Variants in GRIN2C observed in about 807,000 individuals in gnomAD.
The protein encoded by GRIN2C is glutamate ionotropic receptor NMDA type subunit 2C, also known as glutamate receptor ionotropic, NMDA 2C.
Under a neutral mutation model 77.7 loss-of-function variants are expected in GRIN2C, and 64 were observed. The observed-to-expected ratio is 0.82, with a 90% CI of 0.67 to 1.01. The LOEUF (loss-of-function observed/expected upper bound fraction) is 1.01. Among genes scored for constraint, GRIN2C ranks in the 50% least tolerant of loss-of-function variants. GRIN2C has a pLI of 0.00. For synonymous variants in GRIN2C, 792 were observed against 643.4 expected, an observed-to-expected ratio of 1.23 and a Z score of -3.49; for missense variants, 1,549 against 1,486.0, an observed-to-expected ratio of 1.04 and a Z score of -0.70.
intron 1 of GRIN2C, among the ~76,000 whole-genome samples, chr17:74,855,657 A>G (rs929311552): frequency 6.6e-6 from 1 of 152,228 alleles, no homozygotes; most frequent in African/African-American, 2.4e-5. Flanking sequence ...GCCCCCAGCC[A>G]GGTGAAGGAA....
At position 74,842,411 on chromosome 17, in the gene GRIN2C, C is replaced by T. The variant is rs573725093; in HGVS notation, c.*24G>A. On this transcript the variant is annotated 3_prime_UTR_variant, in exon 13 of 13. Coordinates refer to ENST00000293190, the MANE Select transcript of GRIN2C (RefSeq NM_000835.6). Reference sequence around the variant, plus strand: ...AGTGGCAGGCAGAGAATCCAGCTGGCTCGGAGCCTGAGTGGCTGATAACTC... The same window carrying T: ...AGTGGCAGGCAGAGAATCCAGCTGGTTCGGAGCCTGAGTGGCTGATAACTC... 3.9e-6 allele frequency: 3 copies of T among 761,348 alleles called. No homozygotes were observed. Among genetic ancestry groups the T allele is most frequent in the Non-Finnish European group, 7.3e-6 (3 of 409,934 alleles). The allele number at this position is 761,348 out of a possible 1,614,324, so 47.2% of individuals were successfully genotyped here.
Position 74,850,165 on chromosome 17 carries a change from G to A in GRIN2C, c.1491+41C>T, listed in dbSNP as rs752996378. Reference sequence around the variant, plus strand: ...CCACATGGGGCCTGGGCAGCAGGTGGGCAGGCAGGGCAGGTGAGGAGGGAG... The same window carrying A: ...CCACATGGGGCCTGGGCAGCAGGTGAGCAGGCAGGGCAGGTGAGGAGGGAG... On this transcript the variant is annotated intron_variant, in intron 6 of 12. Transcript: ENST00000293190. This position sits in a 1 kb window ranked among gnomAD's most constrained non-coding sequence, Gnocchi z 5.3. The A allele has an allele frequency of 6.2e-7, 1 of 1,603,154 alleles. No individual in the cohort carries two copies. Among genetic ancestry groups the A allele is most frequent in the Non-Finnish European group, 8.5e-7 (1 of 1,173,116 alleles).
rs61279159 is a variant in GRIN2C at position 74,859,245 on chromosome 17, G to C, written c.-16+499C>G. ...TTTGACAAACACAGAGATCCCCAAA[G>C]AGCCCCAGAGAGGATGGCAGTGGTC... On this transcript the variant is annotated intron_variant, in intron 1 of 12. Transcript: ENST00000293190. The surrounding 1 kb of genome is among the most constrained non-coding windows in gnomAD (Gnocchi z 5.9). 0.011 allele frequency among the ~76,000 whole-genome samples: 1,716 copies of C among 152,206 alleles called. 37 individuals carry two copies. The highest frequency in any genetic ancestry group is 0.039 in the African/African-American group (1,620 of 41,520).
At chr17:74,854,126 C>T (rs897522618) in intron 2 of GRIN2C, 2 of 152,478 alleles carry the variant, frequency 1.3e-5, no homozygotes, top group African/African-American at 2.4e-5. Context: ...TCTCCAGAGA[C>T]TTTCCCTGGC....
At chr17:74,851,331 A>C in intron 4 of GRIN2C, 53 of 444,804 alleles carry the variant, frequency 1.2e-4, no homozygotes, top group Middle Eastern at 6.0e-4. Context: ...ACCAGGAGAT[A>C]GGAGCGCTTG....
At position 74,843,413 on chromosome 17, in the gene GRIN2C, G is replaced by T. The variant is rs1381555690; in HGVS notation, c.2724C>A (p.Gly908=). Reference sequence around the variant, plus strand: ...TGGCGCGGTCCAGGGAGCTGCTTACGCCCGCCGTGGTCACCATGTCGCGGG... The same window carrying T: ...TGGCGCGGTCCAGGGAGCTGCTTACTCCCGCCGTGGTCACCATGTCGCGGG... ...QAARDMVTTA[G]VSSSLDRATR... Residue 908 remains glycine (G), a synonymous_variant, in exon 13 of 13, where the codon GGC becomes GGA. Coordinates refer to ENST00000293190, the MANE Select transcript of GRIN2C (RefSeq NM_000835.6). 51 of 1,535,920 alleles carry T rather than the reference G, an allele frequency of 3.3e-5. No individual in the cohort carries two copies. The highest frequency in any genetic ancestry group is 4.3e-5 in the Non-Finnish European group (49 of 1,146,106).
chr17:74,858,628 C>T (rs1336065684), intron 1 of GRIN2C, among the ~76,000 whole-genome samples: 3 of 147,240 alleles, frequency 2.0e-5, no homozygotes, highest in East Asian at 2.0e-4. Context: ...TACCCACCCC[C>T]GCCAGCCCCA....
intron 11 of GRIN2C, 77 bp from the exon 12 acceptor site, chr17:74,844,585 C>T (rs2037401921): frequency 1.3e-6 from 2 of 1,549,774 alleles, no homozygotes; most frequent in African/African-American, 2.7e-5. Context: ...CACCACAAAC[C>T]TGGAGTAAGA....
rs147286823 is a variant in GRIN2C, at chr17:74,842,050, A to G, written c.*385T>C. 99 of 221,802 alleles carry G rather than the reference A, an allele frequency of 4.5e-4. No individual in the cohort carries two copies. Among genetic ancestry groups the G allele is most frequent in the African/African-American group, 1.8e-3 (79 of 42,742 alleles). The allele number at this position is 221,802 out of a possible 1,614,324, so 13.7% of individuals were successfully genotyped here. A position where few individuals can be genotyped will look rare whatever the true frequency, so the allele number is the denominator to read the frequency against. ...TTGTAAAAGGTTGGTTTAATGTCCCAGTGCTCTGATGAGAAGAAACTCTAG... is the reference window on the plus strand; with the variant it reads ...TTGTAAAAGGTTGGTTTAATGTCCCGGTGCTCTGATGAGAAGAAACTCTAG... On this transcript the variant is annotated 3_prime_UTR_variant, in exon 13 of 13. Transcript: ENST00000293190.
chr17:74,855,010 T>C lies in GRIN2C; in HGVS notation c.83A>G (p.Gln28Arg). Reference protein sequence around the residue: ...WAGLGPGQGEQGMTVAVVFSS... With the variant: ...WAGLGPGQGERGMTVAVVFSS... ...AAACACCACGGCCACCGTCATGCCC[T>C]GCTCGCCCTGCCCCGGACCCAGCCC... Residue 28 changes from glutamine (Q) to arginine (R), a missense_variant, in exon 2 of 13, where the codon CAG (glutamine) becomes CGG (arginine). Physicochemically the swap from Gln to Arg is conservative, Grantham distance 43. Transcript: ENST00000293190. The C allele has an allele frequency of 6.2e-7, 1 of 1,604,442 alleles. No individual in the cohort carries two copies. Among genetic ancestry groups the C allele is most frequent in the Non-Finnish European group, 8.5e-7 (1 of 1,179,582 alleles).
chr17:74,861,425 T>C (rs1196906336), upstream of GRIN2C: 1 of 151,706 alleles, frequency 6.6e-6, no homozygotes, highest in African/African-American at 2.4e-5. Flanking sequence ...GCTCGCCACT[T>C]ACCGAGGGGA....
rs932157853 is a variant in GRIN2C at position 74,847,783 on chromosome 17, C to T, written c.1771+69G>A. ...TCCCAAAGGTATTCTCTGAAGGACC[C>T]GTTGCCCCTGAGCCCAGCCCTCAGG... On this transcript the variant is annotated intron_variant, in intron 8 of 12. Coordinates refer to ENST00000293190, the MANE Select transcript of GRIN2C (RefSeq NM_000835.6). This position sits in a 1 kb window ranked among gnomAD's most constrained non-coding sequence, Gnocchi z 5.2. 11 of 1,548,702 alleles carry T rather than the reference C, an allele frequency of 7.1e-6. No homozygotes were observed. The East Asian group carries it at 1.4e-4, about 19-fold the overall frequency.
chr17:74,851,010 CCT>C (rs1318267251), intron 4 of GRIN2C: 9 of 576,252 alleles, frequency 1.6e-5, no homozygotes, highest in African/African-American at 1.5e-4. Flanking sequence ...ACTGGTCCCC[CCT>C]GACTTTGACA....
chr17:74,847,551 G>A lies in GRIN2C; in HGVS notation c.1772-14C>T. The stretch of plus-strand genomic sequence containing the variant: ...GGCCCCCGGACTCTGGGGGCAAGAG[G>A]CGGGGGGATGCTGGAGCTCCTCCTG... On this transcript the variant is annotated splice_polypyrimidine_tract_variant and intron_variant, in intron 8 of 12. Coordinates refer to ENST00000293190, the MANE Select transcript of GRIN2C (RefSeq NM_000835.6). This position sits in a 1 kb window ranked among gnomAD's most constrained non-coding sequence, Gnocchi z 5.2. 1 of 1,572,414 alleles carries A rather than the reference G, an allele frequency of 6.4e-7. No homozygotes were observed. The highest frequency in any genetic ancestry group is 8.7e-7 in the Non-Finnish European group (1 of 1,145,584).
rs779692493 is a variant in GRIN2C at position 74,852,559 on chromosome 17, T to G, written c.452A>C (p.Gln151Pro). Reference sequence around the variant, plus strand: ...CTCTTCCAGCACCTTGAACAGCACCTGCAGCTGCTGCTCCAGGGACACGCC... The same window carrying G: ...CTCTTCCAGCACCTTGAACAGCACCGGCAGCTGCTGCTCCAGGGACACGCC... ...QLGVSLEQQL[Q>P]VLFKVLEEYD... is the part of the protein sequence containing the mutation. Residue 151 changes from glutamine to proline, a missense_variant, in exon 3 of 13, where the codon CAG becomes CCG. Transcript: ENST00000293190. 1 of 1,508,650 alleles carries G rather than the reference T, an allele frequency of 6.6e-7. No homozygotes were observed. Among genetic ancestry groups the G allele is most frequent in the Admixed American group, 2.1e-5 (1 of 47,500 alleles). 93.5% of individuals were successfully genotyped at this position (1,508,650 alleles called of 1,614,324 possible).
chr17:74,849,749 C>A lies in GRIN2C; in HGVS notation c.1645+31G>T. On this transcript the variant is annotated intron_variant, in intron 7 of 12. Transcript: ENST00000293190. This position sits in a 1 kb window ranked among gnomAD's most constrained non-coding sequence, Gnocchi z 4.6. ...CCCTCCTCGTGGGCCCCTCTGCCCC[C>A]GGAGCCGTCTCTGCCCACCCTGGGC... 3 of 1,596,960 alleles carry A rather than the reference C, an allele frequency of 1.9e-6. No individual in the cohort carries two copies. The highest frequency in any genetic ancestry group is 2.6e-6 in the Non-Finnish European group (3 of 1,175,052).
intron 4 of GRIN2C, 184 bp downstream of exon 4, chr17:74,851,393 G>A: frequency 1.7e-6 from 1 of 576,546 alleles, no homozygotes. Context: ...CCAGAGCAGG[G>A]CACCTCACCC....
rs1318637147 is a variant in GRIN2C at position 74,843,891 on chromosome 17, A to T, written c.2584-338T>A. The T allele has an allele frequency of 5.0e-4, 167 of 331,682 alleles. 1 individual carries two copies. Among genetic ancestry groups the T allele is most frequent in the African/African-American group, 3.6e-3 (134 of 36,838 alleles). 20.5% of individuals were successfully genotyped at this position (331,682 alleles called of 1,614,324 possible). The stretch of plus-strand genomic sequence containing the variant: ...GACGTTGGCTTTTTTTTTTTTTTTT[A>T]GAAACAGGATCTCACTCTGCTGCCC... On this transcript the variant is annotated intron_variant, in intron 12 of 12. Transcript: ENST00000293190.
At position 74,852,471 on chromosome 17, in the gene GRIN2C, C is replaced by T. The variant is rs1159823686; in HGVS notation, c.540G>A (p.Glu180=). The change falls in exon 3 of 13, where the codon GAG becomes GAA. Residue 180 remains glutamate, a synonymous_variant. Transcript: ENST00000293190. ...SLHPGHALFL[E]GVRAVADASH... ...TGGCGTCGGCGACGGCGCGCACGCC[C>T]TCCAGGAAGAGCGCGTGGCCCGGGT... 1.3e-6 allele frequency: 2 copies of T among 1,560,668 alleles called. No individual in the cohort carries two copies. Among genetic ancestry groups the T allele is most frequent in the Non-Finnish European group, 8.6e-7 (1 of 1,163,310 alleles).
Sources: gnomAD v4.1 joint callset for allele counts (sites outside exome capture counted in the v4.1 genomes callset) on GRCh38, gnomAD v4.1.1 for gene constraint, Gnocchi (gnomAD v3.1) non-coding constraint, MANE v1.5 for transcripts, NCBI Gene and HGNC (gene_info 2026-07-23, HGNC 2026-07-21) for gene names.